Variants in CDC42BPA observed in about 807,000 individuals in gnomAD.
CDC42BPA encodes serine/threonine-protein kinase MRCK alpha.
Under a neutral mutation model 223.5 loss-of-function variants are expected in CDC42BPA, and 80 were observed. The ratio of observed to expected loss-of-function variants is 0.36; its 90% CI spans 0.30 to 0.43. The LOEUF is 0.43. CDC42BPA is among the 20% of genes least tolerant of loss of function. The pLI, the probability that CDC42BPA is intolerant of heterozygous loss-of-function variation, is 1.00. For synonymous variants in CDC42BPA, 694 were observed against 718.6 expected (o/e 0.97, Z 0.55); for missense variants, 1,743 against 2,099.9 (o/e 0.83, Z 3.32).
At chr1:227,248,682 ATGTG>A (rs1289759756) in intron 2 of CDC42BPA, among the ~76,000 whole-genome samples, 1 of 151,854 alleles carries the variant, frequency 6.6e-6, no homozygotes, top group Non-Finnish European at 1.5e-5. Context: ...CAAGTTATCT[ATGTG>A]TATTTTTTAA....
chr1:227,153,441 T>C (rs1036170501), intron 6 of CDC42BPA, among the ~76,000 whole-genome samples: 8 of 151,870 alleles, frequency 5.3e-5, no homozygotes, highest in Non-Finnish European at 1.0e-4. Context: ...TAGTGGCCCA[T>C]AGAAGAATTC....
chr1:227,049,579 T>C (rs903019359), intron 22 of CDC42BPA, among the ~76,000 whole-genome samples: 4 of 151,950 alleles, frequency 2.6e-5, no homozygotes, highest in Non-Finnish European at 5.9e-5. Context: ...TATGAAAAAC[T>C]AAAAGGTCAA....
Position 226,992,831 on chromosome 1 carries a change from G to A in CDC42BPA, c.*1437C>T, listed in dbSNP as rs1216779690. 4 of 152,096 alleles carry A rather than the reference G, an allele frequency of 2.6e-5. No homozygotes were observed. Among genetic ancestry groups the A allele is most frequent in the Admixed American group, 2.6e-4 (4 of 15,266 alleles). The allele number at this position is 152,096 out of a possible 1,614,324, so 9.4% of individuals were successfully genotyped here. ...CTGATTCTGCATCTCATTTCCTTAT[G>A]GCAACTACAACAGGAGGAATCCAGC... is the stretch of plus-strand genomic sequence containing the variant. On this transcript the variant is annotated 3_prime_UTR_variant, in exon 37 of 37. Coordinates refer to ENST00000366766, the MANE Select transcript of CDC42BPA (RefSeq NM_001394014.1).
chr1:227,197,624 C>A (rs1179065955), intron 4 of CDC42BPA, among the ~76,000 whole-genome samples: 1 of 151,960 alleles, frequency 6.6e-6, no homozygotes, highest in Non-Finnish European at 1.5e-5. Flanking sequence ...TATTTGGGTA[C>A]TTTATTTCTA....
chr1:227,006,275 A>C (rs918403800), intron 34 of CDC42BPA, among the ~76,000 whole-genome samples: 1 of 152,186 alleles, frequency 6.6e-6, no homozygotes, highest in African/African-American at 2.4e-5. Context: ...AAATGATGGT[A>C]ATCTTACTAG....
At chr1:227,312,046 C>G (rs375631829) in intron 1 of CDC42BPA, among the ~76,000 whole-genome samples, 2 of 152,192 alleles carry the variant, frequency 1.3e-5, no homozygotes, top group African/African-American at 4.8e-5. Context: ...TTATCTCAAC[C>G]TATAGTAAGA....
chr1:227,296,423 A>T (rs1690640042), intron 1 of CDC42BPA, among the ~76,000 whole-genome samples: 1 of 152,140 alleles, frequency 6.6e-6, no homozygotes, highest in Non-Finnish European at 1.5e-5. Flanking sequence ...GGAAAAAAAT[A>T]GGCCGGGCAT....
chr1:227,311,178 A>AT (rs535758632), intron 1 of CDC42BPA, among the ~76,000 whole-genome samples: 24 of 151,564 alleles, frequency 1.6e-4, no homozygotes, highest in Middle Eastern at 6.8e-3. Context: ...ACATAATGAG[A>AT]CCCCCCATCT....
At chr1:227,281,800 G>A (rs1688054615) in intron 1 of CDC42BPA, among the ~76,000 whole-genome samples, 1 of 152,164 alleles carries the variant, frequency 6.6e-6, no homozygotes, top group African/African-American at 2.4e-5. Flanking sequence ...CTGAACCTCT[G>A]CACATGTCCC....
chr1:227,293,520 TAAA>T (rs34855867), intron 1 of CDC42BPA, among the ~76,000 whole-genome samples: 6 of 143,378 alleles, frequency 4.2e-5, no homozygotes, highest in Admixed American at 7.0e-5. Flanking sequence ...GTAAAGTCAT[TAAA>T]AAAAAAAAAA....
intron 15 of CDC42BPA, among the ~76,000 whole-genome samples, chr1:227,093,148 T>C (rs918240741): frequency 3.3e-5 from 5 of 152,196 alleles, no homozygotes; most frequent in Admixed American, 1.3e-4. Context: ...GTCTTCCCTA[T>C]CTCTCACAAC....
chr1:227,173,580 TA>T (rs148186462), intron 5 of CDC42BPA, among the ~76,000 whole-genome samples: 13 of 151,988 alleles, frequency 8.6e-5, no homozygotes, highest in Admixed American at 7.9e-4. Context: ...GAGGCCACCC[TA>T]AAAAAACTAT....
At chr1:227,198,779 G>A (rs998331557) in intron 4 of CDC42BPA, among the ~76,000 whole-genome samples, 3 of 148,832 alleles carry the variant, frequency 2.0e-5, no homozygotes, top group Non-Finnish European at 3.0e-5. Context: ...TTTTGAGACC[G>A]AGTCTTGCTC....
intron 1 of CDC42BPA, among the ~76,000 whole-genome samples, chr1:227,285,757 A>C (rs1393306474): frequency 6.6e-6 from 1 of 152,244 alleles, no homozygotes; most frequent in Non-Finnish European, 1.5e-5. Context: ...AGTGTAAAAA[A>C]AGGAGCCACC....
chr1:227,134,516 G>C (rs1256094836), intron 10 of CDC42BPA, among the ~76,000 whole-genome samples: 3 of 151,996 alleles, frequency 2.0e-5, no homozygotes, highest in Non-Finnish European at 4.4e-5. Flanking sequence ...CTAACTCTCA[G>C]TGGATGACCC....
At chr1:227,205,568 T>G (rs2150289534) in intron 3 of CDC42BPA, among the ~76,000 whole-genome samples, 1 of 152,184 alleles carries the variant, frequency 6.6e-6, no homozygotes, top group African/African-American at 2.4e-5. Context: ...ATTTGTTCAT[T>G]TTTTACTTTG....
intron 1 of CDC42BPA, among the ~76,000 whole-genome samples, chr1:227,274,779 A>C (rs1330509548): frequency 1.3e-5 from 2 of 152,202 alleles, no homozygotes; most frequent in Non-Finnish European, 2.9e-5. Context: ...ATTTATATTA[A>C]TATGAAGAGA....
chr1:227,298,112 A>T (rs1008665123), intron 1 of CDC42BPA, among the ~76,000 whole-genome samples: 2 of 151,528 alleles, frequency 1.3e-5, no homozygotes, highest in African/African-American at 2.4e-5. Flanking sequence ...TCTCAAAAAA[A>T]ATCTCTCTTT....
chr1:227,077,418 T>A (rs922665731), intron 17 of CDC42BPA, among the ~76,000 whole-genome samples: 1 of 152,196 alleles, frequency 6.6e-6, no homozygotes, highest in Non-Finnish European at 1.5e-5. Flanking sequence ...GTTTCAAATA[T>A]GTGAGTGGAT....
Sources: allele counts gnomAD v4.1 joint callset (sites outside exome capture counted in the v4.1 genomes callset), GRCh38; gene constraint gnomAD v4.1.1; transcripts MANE v1.5; gene names NCBI Gene and HGNC (gene_info 2026-07-23, HGNC 2026-07-21).